MGA: variants seen among roughly 807,000 people sequenced by gnomAD.
The protein encoded by MGA is MAX gene-associated protein.
In MGA, 40 loss-of-function variants were observed where a neutral mutation model predicts 261.1. The observed-to-expected ratio is 0.15, with a 90% confidence interval of 0.12 to 0.20. The LOEUF (loss-of-function observed/expected upper bound fraction) is 0.20. MGA is among the 10% of genes least tolerant of loss of function. The pLI, the probability that MGA is intolerant of heterozygous loss-of-function variation, is 1.00. For synonymous variants in MGA, 1,302 were observed against 1,290.6 expected, an observed-to-expected ratio of 1.01 and a Z score of -0.19; for missense variants, 3,397 against 3,630.5, an observed-to-expected ratio of 0.94 and a Z score of 1.65.
chr15:41,676,678 C>G (rs2058398312), intron 2 of MGA, among the ~76,000 whole-genome samples: 1 of 152,020 alleles, frequency 6.6e-6, no homozygotes, highest in Non-Finnish European at 1.5e-5. Context: ...TTTTTAGCCA[C>G]TACAAATAAT....
chr15:41,736,679 G>A lies in MGA; in HGVS notation c.4415G>A (p.Ser1472Asn). The A allele has an allele frequency of 6.2e-7, 1 of 1,611,048 alleles. No homozygotes were observed. Among genetic ancestry groups the A allele is most frequent in the Non-Finnish European group, 8.5e-7 (1 of 1,178,412 alleles). The stretch of plus-strand genomic sequence containing the variant: ...GCCTATAAACGTAAACCCAGTTCAA[G>A]TACATCTGGGCTTATCCAGGTGAGA... The change falls in exon 13 of 24, where the codon AGT becomes AAT. Residue 1472 changes from serine to asparagine, a missense_variant. Ser to Asn is a conservative substitution (Grantham distance 46). Transcript: ENST00000219905.
At chr15:41,647,982 T>C (rs997242991) in intron 1 of MGA, among the ~76,000 whole-genome samples, 1 of 152,236 alleles carries the variant, frequency 6.6e-6, no homozygotes, top group Non-Finnish European at 1.5e-5. Flanking sequence ...AAGATGTTCC[T>C]GAGCTGCCTT....
upstream of MGA, among the ~76,000 whole-genome samples, chr15:41,656,919 G>A (rs549679698): frequency 2.0e-4 from 31 of 152,136 alleles, no homozygotes; most frequent in South Asian, 6.0e-3. Flanking sequence ...TGGGACTGCA[G>A]GCACCACCAC....
At chr15:41,761,094 C>T (rs2151999508) in intron 20 of MGA, among the ~76,000 whole-genome samples, 1 of 152,316 alleles carries the variant, frequency 6.6e-6, no homozygotes, top group South Asian at 2.1e-4. Flanking sequence ...TTTATTGGCA[C>T]AGCTATCCTT....
At chr15:41,634,127 G>A (rs1775073751) in intron 1 of MGA, among the ~76,000 whole-genome samples, 1 of 151,774 alleles carries the variant, frequency 6.6e-6, no homozygotes, top group African/African-American at 2.4e-5. Context: ...ATTTTTTTCT[G>A]TAGCATCACA....
chr15:41,640,975 T>C (rs1186291823), intron 1 of MGA, among the ~76,000 whole-genome samples: 2 of 152,210 alleles, frequency 1.3e-5, no homozygotes, highest in East Asian at 3.8e-4. Flanking sequence ...CTATACTCAT[T>C]AGCAGTCATT....
chr15:41,761,837 A>G lies in MGA; in HGVS notation c.7497A>G (p.Val2499=), dbSNP rs1487670268. The G allele has an allele frequency of 6.3e-7, 1 of 1,575,538 alleles. No individual in the cohort carries two copies. Among genetic ancestry groups the G allele is most frequent in the Non-Finnish European group, 8.6e-7 (1 of 1,156,790 alleles). Residue 2499 remains valine (V), a synonymous_variant, in exon 21 of 24, where the codon GTA becomes GTG. Transcript: ENST00000219905. ...AACGGAATATTCTGATACGGAAAGT[A>G]TCGTCTCTTTCAGGTGAGATAAGTA... is the stretch of plus-strand genomic sequence containing the variant.
At chr15:41,704,468 G>GC (rs2060007458) in intron 5 of MGA, among the ~76,000 whole-genome samples, 1 of 152,140 alleles carries the variant, frequency 6.6e-6, no homozygotes, top group Non-Finnish European at 1.5e-5. Context: ...GACCATCCTG[G>GC]TAACACGGTG....
At chr15:41,632,248 C>A (rs145214177) in intron 1 of MGA, among the ~76,000 whole-genome samples, 1 of 152,274 alleles carries the variant, frequency 6.6e-6, no homozygotes, top group East Asian at 1.9e-4. Flanking sequence ...TTAAGTACTA[C>A]TCAATTCTGT....
chr15:41,659,746 G>A (rs541184858), upstream of MGA, among the ~76,000 whole-genome samples: 4 of 152,318 alleles, frequency 2.6e-5, no homozygotes, highest in South Asian at 6.2e-4. Context: ...CTCCTGCATC[G>A]TTTCCCTGTT....
intron 16 of MGA, 29 bp from the exon 17 acceptor site, chr15:41,749,082 A>T (rs1323487841): frequency 1.9e-6 from 3 of 1,584,864 alleles, no homozygotes; most frequent in Non-Finnish European, 2.6e-6. Context: ...GTCATGATTT[A>T]AAAATTTCTC....
chr15:41,745,372 C>T (rs2577947), intron 15 of MGA, among the ~76,000 whole-genome samples: 117,578 of 148,030 alleles, frequency 0.79, 46,984 homozygotes, highest in East Asian at 0.89. Flanking sequence ...TAAAGAAATA[C>T]ACTGGAAACT....
chr15:41,724,479 A>C (rs1183478672), intron 9 of MGA, among the ~76,000 whole-genome samples: 1 of 152,244 alleles, frequency 6.6e-6, no homozygotes, highest in Non-Finnish European at 1.5e-5. Flanking sequence ...ATTTGAATGC[A>C]TAAATGAATA....
chr15:41,628,899 G>T (rs916576681), intron 1 of MGA, among the ~76,000 whole-genome samples: 1 of 152,102 alleles, frequency 6.6e-6, no homozygotes. Flanking sequence ...CAGCACTTTG[G>T]GTGGCCGAGG....
At chr15:41,626,197 A>G (rs2056446406) in intron 1 of MGA, among the ~76,000 whole-genome samples, 2 of 152,294 alleles carry the variant, frequency 1.3e-5, no homozygotes, top group Non-Finnish European at 2.9e-5. Context: ...ATAGAAGTCT[A>G]AAAAGATAAA....
chr15:41,623,188 T>C (rs2140897653), intron 1 of MGA, among the ~76,000 whole-genome samples: 1 of 152,296 alleles, frequency 6.6e-6, no homozygotes, highest in South Asian at 2.1e-4. Context: ...AAAATTCATT[T>C]GAAAAAGTAA....
In MGA at chr15:41,743,067, G is replaced by A; in HGVS notation, c.5107G>A (p.Ala1703Thr). 6.2e-7 allele frequency: 1 copy of A among 1,613,972 alleles called. No individual in the cohort carries two copies. Among genetic ancestry groups the A allele is most frequent in the African/African-American group, 1.3e-5 (1 of 75,038 alleles). The change falls in exon 15 of 24, where the codon GCA becomes ACA. Residue 1703 changes from alanine (A) to threonine (T), a missense_variant. Transcript: ENST00000219905. The stretch of plus-strand genomic sequence containing the variant: ...TTCCACCTCCTTAGTCGTGGTGACT[G>A]CAGCTGCATCTTCCTCCATGGTGAC...
At chr15:41,670,977 G>A (rs999394916) in intron 2 of MGA, among the ~76,000 whole-genome samples, 3 of 152,126 alleles carry the variant, frequency 2.0e-5, no homozygotes, top group Admixed American at 6.5e-5. Context: ...ATGATTTGGC[G>A]TTATTTTTCT....
intron 7 of MGA, among the ~76,000 whole-genome samples, chr15:41,709,117 C>A (rs1052165272): frequency 6.6e-6 from 1 of 152,076 alleles, no homozygotes; most frequent in Non-Finnish European, 1.5e-5. Flanking sequence ...GAGGCCGAAG[C>A]AAGCGGATTG....
Sources: gnomAD v4.1 joint callset for allele counts (sites outside exome capture counted in the v4.1 genomes callset) on GRCh38, gnomAD v4.1.1 for gene constraint, MANE v1.5 for transcripts, NCBI Gene and HGNC (gene_info 2026-07-23, HGNC 2026-07-21) for gene names.